CDH13: variants seen among roughly 807,000 people sequenced by gnomAD.
CDH13 encodes the protein cadherin 13, also known as cadherin-13.
CDH13 carries 24 observed loss-of-function variants against 63.8 expected under a neutral mutation model. That is an observed-to-expected ratio of 0.38 (90% CI 0.27 to 0.53). The LOEUF is 0.53. CDH13 is among the 20% of genes least tolerant of loss of function. The pLI is 0.85. For missense variants in CDH13, 1,049 were observed against 903.1 expected, an observed-to-expected ratio of 1.16 and a Z score of -2.07; for synonymous variants, 503 against 355.3, an observed-to-expected ratio of 1.42 and a Z score of -4.67.
rs184381219 is a variant in CDH13 at position 83,459,077 on chromosome 16, A to G, written c.782-27400A>G. ...ACTAATCTAAGAACCAAGATGGCCA[A>G]CAGCACAATACCAACTTTTTGTTTG... On this transcript the variant is annotated intron_variant, in intron 6 of 13. Coordinates refer to ENST00000567109, the MANE Select transcript of CDH13 (RefSeq NM_001257.5). Among the ~76,000 whole-genome samples the G allele has an allele frequency of 2.1e-4, 32 of 152,380 alleles. No homozygotes were observed. In the East Asian group the frequency reaches 5.8e-3, roughly 28 times the overall value.
chr16:82,988,896 GT>G (rs1911305428), intron 2 of CDH13, among the ~76,000 whole-genome samples: 1 of 152,114 alleles, frequency 6.6e-6, no homozygotes. Flanking sequence ...AGGACATCAG[GT>G]CAGAACATTC....
intron 6 of CDH13, among the ~76,000 whole-genome samples, chr16:83,476,543 C>G (rs2073609835): frequency 6.6e-6 from 1 of 152,162 alleles, no homozygotes; most frequent in South Asian, 2.1e-4. Context: ...CGTGGTGGCG[C>G]ATGCCTGCAA....
At chr16:83,240,000 A>AG (rs1567531343) in intron 5 of CDH13, among the ~76,000 whole-genome samples, 8 of 152,302 alleles carry the variant, frequency 5.3e-5, no homozygotes, top group African/African-American at 1.7e-4. Flanking sequence ...AATATCTGTA[A>AG]AGAGAGAAAG....
rs187589357 is a variant in CDH13, at chr16:82,667,132, C to T, written c.45+39995C>T. Among the ~76,000 whole-genome samples the T allele has an allele frequency of 2.4e-4, 37 of 152,332 alleles. No individual in the cohort carries two copies. The East Asian group carries it at 6.9e-3, about 29-fold the overall frequency. On this transcript the variant is annotated intron_variant, in intron 1 of 13. Transcript: ENST00000567109. The stretch of plus-strand genomic sequence containing the variant: ...AAGTTATCTGATGCCAGCTTATTCA[C>T]ATCGCCTCACCTCCTAGCAGCTGGA...
Position 83,445,967 on chromosome 16 carries a change from C to T in CDH13, c.782-40510C>T, listed in dbSNP as rs2072675303. 2.6e-5 allele frequency among the ~76,000 whole-genome samples: 4 copies of T among 152,114 alleles called. No homozygotes were observed. The South Asian group carries it at 8.3e-4, about 32-fold the overall frequency. On this transcript the variant is annotated intron_variant, in intron 6 of 13. Transcript: ENST00000567109. Reference sequence around the variant, plus strand: ...TAAAAGATTTCTAAAGCATTATCCCCATCCCTCCCCCATCAAACTTTTTTA... The same window carrying T: ...TAAAAGATTTCTAAAGCATTATCCCTATCCCTCCCCCATCAAACTTTTTTA...
chr16:83,726,287 G>C (rs1313777396), intron 10 of CDH13: 1 of 152,194 alleles, frequency 6.6e-6, no homozygotes, highest in Non-Finnish European at 1.5e-5. Flanking sequence ...TGACAGTCAT[G>C]TGCTGCAGGT....
intron 1 of CDH13, among the ~76,000 whole-genome samples, chr16:82,817,232 C>G (rs1477615170): frequency 6.6e-6 from 1 of 151,990 alleles, no homozygotes; most frequent in Non-Finnish European, 1.5e-5. Context: ...AGAAGGTTTT[C>G]TCTCATAAGC....
At chr16:83,750,098 C>A (rs1365748882) in intron 11 of CDH13, among the ~76,000 whole-genome samples, 2 of 152,086 alleles carry the variant, frequency 1.3e-5, no homozygotes. Flanking sequence ...GAGTTTGAGA[C>A]CAGCCTGGCC....
At position 82,781,999 on chromosome 16, in the gene CDH13, A is replaced by C. The variant is rs544778553; in HGVS notation, c.46-76363A>C. ...GTGAACCTAAATGTCATATGTGGTA[A>C]AAGAGGAAGTAACCAGCCAGGGGTG... On this transcript the variant is annotated intron_variant, in intron 1 of 13. Coordinates refer to ENST00000567109, the MANE Select transcript of CDH13 (RefSeq NM_001257.5). Among the ~76,000 whole-genome samples the C allele has an allele frequency of 3.9e-5, 6 of 152,342 alleles. No homozygotes were observed. In the South Asian group the frequency reaches 1.2e-3, roughly 32 times the overall value.
intron 7 of CDH13, among the ~76,000 whole-genome samples, chr16:83,588,011 C>G (rs936991379): frequency 1.3e-5 from 2 of 151,502 alleles, no homozygotes; most frequent in Non-Finnish European, 2.9e-5. Flanking sequence ...AGTTGTCATA[C>G]CATAACATCC....
chr16:82,679,858 A>G lies in CDH13; in HGVS notation c.45+52721A>G, dbSNP rs187324866. 3.0e-3 allele frequency among the ~76,000 whole-genome samples: 457 copies of G among 152,344 alleles called. 3 individuals carry two copies. Among genetic ancestry groups the G allele is most frequent in the Middle Eastern group, 0.024 (7 of 294 alleles). ...TTTAAAACATTTGAAACAGATGTGG[A>G]ACAAGTTTTTAAAGAAGGAACCCTA... is the stretch of plus-strand genomic sequence containing the variant. On this transcript the variant is annotated intron_variant, in intron 1 of 13. Transcript: ENST00000567109.
At chr16:83,766,611 G>C (rs1209833369) in intron 11 of CDH13, among the ~76,000 whole-genome samples, 1 of 152,126 alleles carries the variant, frequency 6.6e-6, no homozygotes, top group Non-Finnish European at 1.5e-5. Context: ...GGAAGATTTG[G>C]GACAAGTGGC....
intron 5 of CDH13, among the ~76,000 whole-genome samples, chr16:83,323,585 A>T (rs2090289313): frequency 2.0e-5 from 3 of 151,920 alleles, no homozygotes; most frequent in South Asian, 4.1e-4. Flanking sequence ...CTGGCCAAAG[A>T]CCTCTCTACC....
chr16:83,175,803 T>C (rs548400394), intron 4 of CDH13, among the ~76,000 whole-genome samples: 1 of 150,274 alleles, frequency 6.7e-6, no homozygotes, highest in South Asian at 2.1e-4. Flanking sequence ...ATAATATACA[T>C]ACTGTTTTTT....
chr16:82,716,005 C>G (rs1020004375), intron 1 of CDH13, among the ~76,000 whole-genome samples: 2 of 152,192 alleles, frequency 1.3e-5, no homozygotes, highest in Non-Finnish European at 2.9e-5. Context: ...GTCAGCTTCC[C>G]TGCAGTCTGC....
chr16:83,369,714 C>T (rs1421312343), intron 6 of CDH13, among the ~76,000 whole-genome samples: 32 of 152,172 alleles, frequency 2.1e-4, no homozygotes, highest in Non-Finnish European at 2.9e-5. Flanking sequence ...CATGAGCCAC[C>T]ATGACTGTCT....
intron 10 of CDH13, among the ~76,000 whole-genome samples, chr16:83,723,177 T>G (rs1318282776): frequency 2.0e-5 from 3 of 152,234 alleles, no homozygotes; most frequent in Non-Finnish European, 1.5e-5. Flanking sequence ...TGACTTTCAC[T>G]TGGCAGAAGG....
At position 83,799,109 on chromosome 16, in the gene CDH13, C is replaced by A. The variant is rs969394468; in HGVS notation, c.*4079C>A. On this transcript the variant is annotated 3_prime_UTR_variant, in exon 14 of 14. Transcript: ENST00000567109. Reference sequence around the variant, plus strand: ...GGTGGATCACTTAAGGTCAGGAGTTCAAGACCAGCCTGGCCAGCATGGTGA... The same window carrying A: ...GGTGGATCACTTAAGGTCAGGAGTTAAAGACCAGCCTGGCCAGCATGGTGA... 3 of 151,480 alleles carry A rather than the reference C, an allele frequency of 2.0e-5. No individual in the cohort carries two copies. Among genetic ancestry groups the A allele is most frequent in the African/African-American group, 7.3e-5 (3 of 41,254 alleles). The allele number at this position is 151,480 out of a possible 1,614,324, so 9.4% of individuals were successfully genotyped here.
chr16:83,021,512 T>A lies in CDH13; in HGVS notation c.158-10498T>A, dbSNP rs377299511. Among the ~76,000 whole-genome samples the A allele has an allele frequency of 5.9e-5, 9 of 152,232 alleles. No individual in the cohort carries two copies. In the East Asian group the frequency reaches 9.6e-4, roughly 16 times the overall value. On this transcript the variant is annotated intron_variant, in intron 2 of 13. Transcript: ENST00000567109. The stretch of plus-strand genomic sequence containing the variant: ...TTAATGGTAGGTGGAGAAAATCCCC[T>A]GAAAGCAGATGTGGCCTCTGTCTTT...
Sources: gnomAD v4.1 joint callset for allele counts (sites outside exome capture counted in the v4.1 genomes callset) on GRCh38, gnomAD v4.1.1 for gene constraint, MANE v1.5 for transcripts, NCBI Gene and HGNC (gene_info 2026-07-23, HGNC 2026-07-21) for gene names.